CPEB1: variants seen among roughly 807,000 people sequenced by gnomAD.
CPEB1 encodes the protein cytoplasmic polyadenylation element-binding protein 1.
A neutral mutation model predicts 65.8 loss-of-function variants in CPEB1; 7 were observed. The ratio of observed to expected loss-of-function variants is 0.11; its 90% CI spans 0.06 to 0.20. The LOEUF (loss-of-function observed/expected upper bound fraction) is 0.20, where lower values mean the gene tolerates loss of function less well. Ranked by LOEUF, CPEB1 falls within the 10% of genes least tolerant of loss-of-function variation. The pLI, the probability that CPEB1 is intolerant of heterozygous loss-of-function variation, is 1.00. For missense variants in CPEB1, 551 were observed against 712.2 expected (o/e 0.77, Z 2.58); for synonymous variants, 262 against 260.0 (o/e 1.01, Z -0.08).
chr15:82,563,573 C>T (rs2038615214), intron 4 of CPEB1, among the ~76,000 whole-genome samples: 1 of 149,626 alleles, frequency 6.7e-6, no homozygotes. Flanking sequence ...AACTCCTGGG[C>T]TCAAGCAATC....
chr15:82,631,807 T>C (rs939303404), intron 1 of CPEB1, among the ~76,000 whole-genome samples: 2 of 151,910 alleles, frequency 1.3e-5, no homozygotes, highest in South Asian at 4.2e-4. Context: ...CAAATAGACC[T>C]AAGGGCTGAA....
At chr15:82,635,039 G>A (rs192983749) in intron 1 of CPEB1, among the ~76,000 whole-genome samples, 2,701 of 152,204 alleles carry the variant, frequency 0.018, 30 homozygotes, top group Non-Finnish European at 0.026. Context: ...ATTTTTAGTA[G>A]AGATGGGGTT....
Position 82,571,265 on chromosome 15 carries a change from A to G in CPEB1, c.460+79T>C, listed in dbSNP as rs533122475. On this transcript the variant is annotated intron_variant, in intron 4 of 12. Transcript: ENST00000684509. ...GGGGAGTGATGCAAAGGGGAACAGA[A>G]CAACTGTTGCTGTGGATATCTTCGT... 2.6e-6 allele frequency: 4 copies of G among 1,529,598 alleles called. No homozygotes were observed. In the East Asian group the frequency reaches 9.1e-5, roughly 35 times the overall value. 94.8% of individuals were successfully genotyped at this position (1,529,598 alleles called of 1,614,324 possible).
At chr15:82,593,027 C>G (rs997968259) in intron 3 of CPEB1, among the ~76,000 whole-genome samples, 1 of 152,094 alleles carries the variant, frequency 6.6e-6, no homozygotes, top group Non-Finnish European at 1.5e-5. Flanking sequence ...TAATAATTAT[C>G]AGAGACTTCA....
At chr15:82,598,611 C>G (rs1226061538) in intron 3 of CPEB1, among the ~76,000 whole-genome samples, 1 of 151,964 alleles carries the variant, frequency 6.6e-6, no homozygotes, top group South Asian at 2.1e-4. Context: ...ATGGTGAAAC[C>G]CTGTCTCTAC....
At chr15:82,608,167 T>C (rs539906283) in intron 3 of CPEB1, among the ~76,000 whole-genome samples, 1 of 152,402 alleles carries the variant, frequency 6.6e-6, no homozygotes, top group African/African-American at 2.4e-5. Flanking sequence ...TAAAGCCTCA[T>C]ATTTCATTCC....
At chr15:82,596,717 A>G (rs1478749712) in intron 3 of CPEB1, among the ~76,000 whole-genome samples, 1 of 151,310 alleles carries the variant, frequency 6.6e-6, no homozygotes, top group Non-Finnish European at 1.5e-5. Context: ...AAAAAAAAAA[A>G]AGTTCATTAC....
chr15:82,629,322 C>A (rs1237436105), intron 1 of CPEB1: 4 of 984,670 alleles, frequency 4.1e-6, no homozygotes, highest in Non-Finnish European at 4.8e-6. Context: ...GAGGTAAGTA[C>A]CAACAGTGGT....
intron 3 of CPEB1, among the ~76,000 whole-genome samples, chr15:82,581,465 A>G (rs528266435): frequency 3.3e-5 from 5 of 152,324 alleles, no homozygotes; most frequent in Admixed American, 1.3e-4. Flanking sequence ...GTGTATACCT[A>G]GAAGGAGAAT....
At chr15:82,575,756 T>C (rs984625692) in intron 3 of CPEB1, among the ~76,000 whole-genome samples, 1 of 152,024 alleles carries the variant, frequency 6.6e-6, no homozygotes, top group Non-Finnish European at 1.5e-5. Context: ...ACCTACTAGA[T>C]GGCTAAAATT....
intron 3 of CPEB1, among the ~76,000 whole-genome samples, chr15:82,626,624 A>G (rs1555460816): frequency 6.6e-6 from 1 of 152,204 alleles, no homozygotes; most frequent in Non-Finnish European, 1.5e-5. Context: ...TGGAGTATCC[A>G]ATAGATACAG....
At chr15:82,577,530 G>T (rs188963359) in intron 3 of CPEB1, among the ~76,000 whole-genome samples, 63 of 152,228 alleles carry the variant, frequency 4.1e-4, no homozygotes, top group Non-Finnish European at 6.2e-4. Context: ...TTTTGAGATG[G>T]ATTTTTAGAA....
chr15:82,617,583 AAT>A (rs2044843217), intron 3 of CPEB1, among the ~76,000 whole-genome samples: 1 of 152,194 alleles, frequency 6.6e-6, no homozygotes, highest in South Asian at 2.1e-4. Context: ...CTACAGTATC[AAT>A]ATTGCTTCAC....
intron 10 of CPEB1, chr15:82,548,846 C>T (rs1187131386): frequency 2.9e-6 from 1 of 347,884 alleles, no homozygotes; most frequent in African/African-American, 2.2e-5. Context: ...GGTGGGTTAG[C>T]CACATGTTAA....
rs1378200854 is a variant in CPEB1, at chr15:82,549,647, G to A, written c.1293C>T (p.Ile431=). ...AGTTACTGTCGGCTAATACCCAGGG[G>A]ATCACCTGCACCTGAAAACCACCCA... ...RRMRCKEVQV[I]PWVLADSNFV... The change falls in exon 10 of 13, where the codon ATC becomes ATT. Residue 431 remains isoleucine, a synonymous_variant. Transcript: ENST00000684509. The A allele has an allele frequency of 6.2e-7, 1 of 1,614,132 alleles. No individual in the cohort carries two copies. Among genetic ancestry groups the A allele is most frequent in the Admixed American group, 1.7e-5 (1 of 60,016 alleles).
At chr15:82,555,075 C>T (rs2036956000) in intron 6 of CPEB1, among the ~76,000 whole-genome samples, 1 of 152,236 alleles carries the variant, frequency 6.6e-6, no homozygotes, top group African/African-American at 2.4e-5. Flanking sequence ...CTAACTTAGT[C>T]ATCAAATTCA....
At chr15:82,580,877 G>C (rs1342321835) in intron 3 of CPEB1, among the ~76,000 whole-genome samples, 2 of 150,616 alleles carry the variant, frequency 1.3e-5, no homozygotes, top group African/African-American at 4.9e-5. Context: ...TTTGAGACAG[G>C]GTCTCCTTCT....
chr15:82,639,260 T>TTA (rs2046906118), intron 1 of CPEB1, among the ~76,000 whole-genome samples: 1 of 152,212 alleles, frequency 6.6e-6, no homozygotes, highest in Non-Finnish European at 1.5e-5. Flanking sequence ...AGGACAATAG[T>TTA]TATAAGTGTG....
intron 4 of CPEB1, among the ~76,000 whole-genome samples, chr15:82,561,875 ACTTCGTTAAGTG>A (rs1318925826): frequency 5.3e-5 from 8 of 152,204 alleles, no homozygotes; most frequent in Non-Finnish European, 8.8e-5. Context: ...AACGAACTCT[ACTTCGTTAAGTG>A]CTCACAGTTC....
Sources: gnomAD v4.1 joint callset for allele counts (sites outside exome capture counted in the v4.1 genomes callset) on GRCh38, gnomAD v4.1.1 for gene constraint, MANE v1.5 for transcripts, NCBI Gene and HGNC (gene_info 2026-07-23, HGNC 2026-07-21) for gene names.